The following EMC1 variants were observed in gnomAD, a reference collection of about 807,000 sequenced individuals.
The protein encoded by EMC1 is ER membrane protein complex subunit 1, also known as KIAA0090.
In EMC1, 103 loss-of-function variants were observed where a neutral mutation model predicts 128.8. That is an observed-to-expected ratio of 0.80 (90% CI 0.68 to 0.94). EMC1 has a LOEUF of 0.94. Among genes scored for constraint, EMC1 ranks in the 40% least tolerant of loss-of-function variants. The pLI is 0.00. For missense variants in EMC1, 1,083 were observed against 1,250.6 expected (o/e 0.87, Z 2.02); for synonymous variants, 442 against 490.4 (o/e 0.90, Z 1.30).
At position 19,219,474 on chromosome 1, in the gene EMC1, G is replaced by C. The variant is rs2093414412; in HGVS notation, c.2811C>G (p.Ala937=). Residue 937 remains alanine, a synonymous_variant, in exon 23 of 23, where the codon GCC becomes GCG. Transcript: ENST00000477853. ...SGLESTCLVV[A]YGLDIYQTRV... Reference sequence around the variant, plus strand: ...GAGTTTGGTAAATGTCCAAACCATAGGCCACAACCTGGAAGGCAGATGGAA... The same window carrying C: ...GAGTTTGGTAAATGTCCAAACCATACGCCACAACCTGGAAGGCAGATGGAA... 1 of 1,613,880 alleles carries C rather than the reference G, an allele frequency of 6.2e-7. No individual in the cohort carries two copies.
intron 1 of EMC1, among the ~76,000 whole-genome samples, chr1:19,246,825 A>C (rs1225176633): frequency 1.3e-5 from 2 of 152,166 alleles, no homozygotes; most frequent in African/African-American, 4.8e-5. Context: ...AAAATGTAAT[A>C]TATCACTCTT....
At chr1:19,236,129 A>G (rs528571607) in intron 12 of EMC1, among the ~76,000 whole-genome samples, 6 of 152,026 alleles carry the variant, frequency 3.9e-5, no homozygotes, top group Non-Finnish European at 8.8e-5. Flanking sequence ...TAATCCCAGC[A>G]CTTTGGGAGG....
rs575254583 is a variant in EMC1, at chr1:19,231,253, G to A, written c.1944+8C>T. The A allele has an allele frequency of 1.3e-6, 2 of 1,588,866 alleles. No individual in the cohort carries two copies. Among genetic ancestry groups the A allele is most frequent in the African/African-American group, 2.7e-5 (2 of 73,180 alleles). On this transcript the variant is annotated splice_region_variant and intron_variant, in intron 16 of 22. Transcript: ENST00000477853. ...TAGCATGTTCTCCATCCCCTCTGAAGACAGTACCTTGTATTCATCATCTAT... is the reference window on the plus strand; with the variant it reads ...TAGCATGTTCTCCATCCCCTCTGAAAACAGTACCTTGTATTCATCATCTAT...
rs866982165 is a variant in EMC1 at position 19,240,511 on chromosome 1, C to T, written c.637-65G>A. ...TTTTTACATTTCCCTCTCAGCCCAA[C>T]AGCAATATTGCTGCCAGCATCCCAC... On this transcript the variant is annotated intron_variant, in intron 6 of 22. Coordinates refer to ENST00000477853, the MANE Select transcript of EMC1 (RefSeq NM_015047.3). 7.0e-6 allele frequency: 11 copies of T among 1,574,182 alleles called. No individual in the cohort carries two copies. In the South Asian group the frequency reaches 7.8e-5, roughly 11 times the overall value.
In EMC1 at chr1:19,233,039, C is replaced by G; in HGVS notation, c.1529G>C (p.Arg510Pro). The G allele has an allele frequency of 6.2e-7, 1 of 1,614,192 alleles. No homozygotes were observed. The highest frequency in any genetic ancestry group is 8.5e-7 in the Non-Finnish European group (1 of 1,180,048). ...ATTCTTAATCTGACTCCGGGGCTTCCGAGCATCATAAAACATTTTCCAGAG... is the reference window on the plus strand; with the variant it reads ...ATTCTTAATCTGACTCCGGGGCTTCGGAGCATCATAAAACATTTTCCAGAG... ...SHLWKMFYDA[R>P]KPRSQIKNEI... The change falls in exon 14 of 23, where the codon CGG becomes CCG. Residue 510 changes from arginine to proline, a missense_variant. Around this residue, in one of 3 missense-constraint regions of EMC1, gnomAD observed 527 missense variants for 644.1 expected, o/e 0.82. Transcript: ENST00000477853.
intron 1 of EMC1, among the ~76,000 whole-genome samples, chr1:19,246,712 G>A (rs57358209): frequency 0.28 from 41,888 of 151,816 alleles, 6,444 homozygotes; most frequent in East Asian, 0.59. Flanking sequence ...CCCTGGAAGC[G>A]GAGGTTGCAG....
chr1:19,231,567 A>G (rs893182900), intron 15 of EMC1, 145 bp from the exon 16 acceptor site: 2 of 794,750 alleles, frequency 2.5e-6, no homozygotes, highest in African/African-American at 3.6e-5. Context: ...TCTTGGCTGT[A>G]GGTGAATAGT....
At chr1:19,240,026 C>G in intron 7 of EMC1, 41 bp from the exon 8 acceptor site, 1 of 1,575,902 alleles carries the variant, frequency 6.3e-7, no homozygotes, top group Non-Finnish European at 8.6e-7. Flanking sequence ...TAACAGCTGA[C>G]GACTCCCTGA....
intron 12 of EMC1, 49 bp from the exon 13 acceptor site, chr1:19,235,301 C>T: frequency 6.3e-7 from 1 of 1,581,384 alleles, no homozygotes; most frequent in Non-Finnish European, 8.6e-7. Context: ...GGCACAGTGG[C>T]TCATGCCTGT....
chr1:19,242,290 G>T (rs945452359), intron 5 of EMC1, 55 bp downstream of exon 5: 139 of 1,599,994 alleles, frequency 8.7e-5, no homozygotes, highest in Non-Finnish European at 1.1e-4. Context: ...AGGAGAAAGA[G>T]GAGCTCCTAG....
At chr1:19,230,799 CT>C (rs2093515308) in intron 17 of EMC1, 44 bp downstream of exon 17, 3 of 1,611,496 alleles carry the variant, frequency 1.9e-6, no homozygotes, top group Non-Finnish European at 1.7e-6. Context: ...CAGGAAACAC[CT>C]GCATCTCATC....
intron 8 of EMC1, 192 bp downstream of exon 8, chr1:19,239,626 T>C (rs1036910725): frequency 3.6e-5 from 22 of 611,506 alleles, no homozygotes; most frequent in South Asian, 1.1e-4. Flanking sequence ...CTAAAGATCC[T>C]TTGTAATACT....
intron 1 of EMC1, among the ~76,000 whole-genome samples, chr1:19,246,249 G>A (rs1408035488): frequency 2.0e-5 from 3 of 152,004 alleles, no homozygotes; most frequent in Non-Finnish European, 4.4e-5. Flanking sequence ...AATTAGCTGG[G>A]CGTGGTGGCA....
chr1:19,242,585 G>T, intron 4 of EMC1, 112 bp from the exon 5 acceptor site: 1 of 1,170,820 alleles, frequency 8.5e-7, no homozygotes, highest in Non-Finnish European at 1.2e-6. Flanking sequence ...CAGGCTTTGG[G>T]GTCAAACACA....
At chr1:19,229,876 T>C (rs900350442) in intron 17 of EMC1, among the ~76,000 whole-genome samples, 9 of 152,128 alleles carry the variant, frequency 5.9e-5, no homozygotes, top group Non-Finnish European at 1.2e-4. Flanking sequence ...GAGCCCAAGG[T>C]CACAAAGTTA....
At chr1:19,240,266 C>T in intron 7 of EMC1, 31 bp downstream of exon 7, 1 of 1,613,428 alleles carries the variant, frequency 6.2e-7, no homozygotes, top group Non-Finnish European at 8.5e-7. Flanking sequence ...GGAAATGCCT[C>T]AGGCCAGAAG....
chr1:19,217,434 A>C lies in EMC1; in HGVS notation c.*1869T>G, dbSNP rs2151931289. On this transcript the variant is annotated 3_prime_UTR_variant, in exon 23 of 23. Coordinates refer to ENST00000477853, the MANE Select transcript of EMC1 (RefSeq NM_015047.3). ...CGTGGTGGCACATGCCTATAGTCCC[A>C]GCTGCTTGTGAGGTGGAGGTTGCCG... 6.6e-6 allele frequency: 1 copy of C among 152,348 alleles called. No individual in the cohort carries two copies. The highest frequency in any genetic ancestry group is 1.5e-5 in the Non-Finnish European group (1 of 68,150). The allele number at this position is 152,348 out of a possible 1,614,324, so 9.4% of individuals were successfully genotyped here. A position where few individuals can be genotyped will look rare whatever the true frequency, so the allele number is the denominator to read the frequency against.
rs192991008 is a variant in EMC1, at chr1:19,245,750, G to A, written c.96-720C>T. ...AGCGATTCTCCTATCTCAGCCTCCC[G>A]AGTAGCTGGGATTACAGGCACCTGC... On this transcript the variant is annotated intron_variant, in intron 1 of 22. Transcript: ENST00000477853. Among the ~76,000 whole-genome samples, 260 of 147,694 alleles carry A rather than the reference G, an allele frequency of 1.8e-3. 7 individuals carry two copies. The highest frequency in any genetic ancestry group is 0.016 in the Admixed American group (231 of 14,628).
At position 19,232,483 on chromosome 1, in the gene EMC1, T is replaced by C. The variant is rs1344338241; in HGVS notation, c.1782+141A>G. 3 of 983,252 alleles carry C rather than the reference T, an allele frequency of 3.1e-6. No homozygotes were observed. The East Asian group carries it at 7.2e-5, about 24-fold the overall frequency. 60.9% of individuals were successfully genotyped at this position (983,252 alleles called of 1,614,324 possible). A position where few individuals can be genotyped will look rare whatever the true frequency, so the allele number is the denominator to read the frequency against. On this transcript the variant is annotated intron_variant, in intron 15 of 22. Transcript: ENST00000477853. ...GCTGGATGGTTCCTCCACCCATGCA[T>C]GAAACTAGAAGAAACAGAGTTCTAA...
Sources: gnomAD v4.1 joint callset for allele counts (sites outside exome capture counted in the v4.1 genomes callset) on GRCh38, gnomAD v4.1.1 for gene constraint, gnomAD v4.1.1 regional missense constraint, MANE v1.5 for transcripts, NCBI Gene and HGNC (gene_info 2026-07-23, HGNC 2026-07-21) for gene names.